CFAP54: variants seen among roughly 807,000 people sequenced by gnomAD.
CFAP54 encodes the protein cilia and flagella associated protein 54.
A neutral mutation model predicts 370.4 loss-of-function variants in CFAP54; 290 were observed. That is an observed-to-expected ratio of 0.78 (90% CI 0.71 to 0.86). CFAP54 has a LOEUF of 0.86. CFAP54 is among the 40% of genes least tolerant of loss of function. The pLI, the probability that CFAP54 is intolerant of heterozygous loss-of-function variation, is 0.00. For missense variants in CFAP54, 3,399 were observed against 3,528.7 expected, an observed-to-expected ratio of 0.96 and a Z score of 0.93; for synonymous variants, 1,206 against 1,236.5, an observed-to-expected ratio of 0.98 and a Z score of 0.52.
At chr12:96,667,561 C>G (rs920890626) in intron 39 of CFAP54, among the ~76,000 whole-genome samples, 1 of 152,204 alleles carries the variant, frequency 6.6e-6, no homozygotes, top group African/African-American at 2.4e-5. Context: ...CCCCTTCTAG[C>G]TATGGCTGGA....
chr12:96,753,655 T>C, intron 55 of CFAP54, 88 bp from the exon 56 acceptor site: 1 of 1,267,632 alleles, frequency 7.9e-7, no homozygotes, highest in South Asian at 1.5e-5. Flanking sequence ...TAGATTTCAT[T>C]ACTGTGAGAG....
chr12:96,710,633 A>T (rs1957600824), intron 48 of CFAP54, among the ~76,000 whole-genome samples: 1 of 151,940 alleles, frequency 6.6e-6, no homozygotes, highest in South Asian at 2.1e-4. Flanking sequence ...AAGGCCCCAA[A>T]TGTTATCATT....
intron 39 of CFAP54, among the ~76,000 whole-genome samples, chr12:96,678,529 G>T (rs569282181): frequency 6.6e-6 from 1 of 152,284 alleles, no homozygotes; most frequent in Admixed American, 6.5e-5. Flanking sequence ...TGGGATTACA[G>T]GTGTGAGCTG....
At chr12:96,769,827 AC>A (rs1958440820) in intron 60 of CFAP54, among the ~76,000 whole-genome samples, 1 of 152,180 alleles carries the variant, frequency 6.6e-6, no homozygotes, top group Admixed American at 6.5e-5. Context: ...CACATCCATT[AC>A]CTTACAGTGA....
intron 40 of CFAP54, chr12:96,682,337 G>A: frequency 1.0e-6 from 1 of 984,054 alleles, no homozygotes; most frequent in Non-Finnish European, 1.2e-6. Context: ...CAAACTATTG[G>A]TAAGAGTTAG....
intron 66 of CFAP54, among the ~76,000 whole-genome samples, chr12:96,840,339 T>G (rs564162526): frequency 1.1e-4 from 17 of 152,336 alleles, no homozygotes; most frequent in South Asian, 6.2e-4. Flanking sequence ...CCTATTGATG[T>G]GGAAGAGCTT....
intron 26 of CFAP54, among the ~76,000 whole-genome samples, chr12:96,602,860 A>G (rs887340030): frequency 3.9e-5 from 6 of 152,074 alleles, no homozygotes; most frequent in Non-Finnish European, 8.8e-5. Flanking sequence ...CTTTGCATGT[A>G]AGATGGGTCT....
intron 67 of CFAP54, among the ~76,000 whole-genome samples, chr12:96,872,669 T>C (rs1227983478): frequency 6.6e-6 from 1 of 152,240 alleles, no homozygotes; most frequent in Non-Finnish European, 1.5e-5. Context: ...GTAATTCCCT[T>C]TAAGGACAGA....
At chr12:96,836,842 GTT>G (rs1224630206) in intron 66 of CFAP54, among the ~76,000 whole-genome samples, 1 of 151,772 alleles carries the variant, frequency 6.6e-6, no homozygotes, top group East Asian at 1.9e-4. Context: ...TTTTTGTTTT[GTT>G]TTTTACAGAC....
chr12:96,515,359 G>A (rs866370378), intron 5 of CFAP54, among the ~76,000 whole-genome samples: 1 of 152,020 alleles, frequency 6.6e-6, no homozygotes, highest in East Asian at 1.9e-4. Flanking sequence ...GGGGATGGGA[G>A]GTGAGGGATG....
chr12:96,659,509 C>A (rs1039268765), intron 38 of CFAP54, among the ~76,000 whole-genome samples: 1 of 152,044 alleles, frequency 6.6e-6, no homozygotes, highest in African/African-American at 2.4e-5. Context: ...ACTTTCAGGG[C>A]AAATAAAATG....
chr12:96,807,026 C>T (rs907618489), intron 63 of CFAP54, among the ~76,000 whole-genome samples: 4 of 152,100 alleles, frequency 2.6e-5, no homozygotes, highest in East Asian at 3.9e-4. Context: ...TGGTCTGTGC[C>T]GTTGCTACTA....
intron 22 of CFAP54, among the ~76,000 whole-genome samples, chr12:96,586,002 TAC>T (rs1487517377): frequency 1.3e-5 from 2 of 152,154 alleles, no homozygotes; most frequent in Non-Finnish European, 2.9e-5. Flanking sequence ...TATAGTCTAG[TAC>T]AACTGCTGGG....
In CFAP54 at chr12:96,630,543, C is replaced by T. The variant is rs1170119039; in HGVS notation, c.4216-8C>T. The T allele has an allele frequency of 5.2e-6, 7 of 1,355,478 alleles. No individual in the cohort carries two copies. The highest frequency in any genetic ancestry group is 6.9e-6 in the Non-Finnish European group (7 of 1,016,812). 84.0% of individuals were successfully genotyped at this position (1,355,478 alleles called of 1,614,324 possible). A position where few individuals can be genotyped will look rare whatever the true frequency, so the allele number is the denominator to read the frequency against. On this transcript the variant is annotated splice_polypyrimidine_tract_variant and splice_region_variant and intron_variant, in intron 31 of 67. Transcript: ENST00000524981. Reference sequence around the variant, plus strand: ...TTTAACTTGTAACATTTTATCTCCTCTATTAAGAGTGCAGAAATGCAACAA... The same window carrying T: ...TTTAACTTGTAACATTTTATCTCCTTTATTAAGAGTGCAGAAATGCAACAA...
chr12:96,833,936 G>A (rs1341661105), intron 66 of CFAP54, among the ~76,000 whole-genome samples: 4 of 152,044 alleles, frequency 2.6e-5, no homozygotes, highest in Non-Finnish European at 4.4e-5. Context: ...TATTATCCTT[G>A]TTTTAGAGAT....
rs747881575 is a variant in CFAP54 at position 96,691,185 on chromosome 12, G to A, written c.6139G>A (p.Glu2047Lys). 5 of 1,613,558 alleles carry A rather than the reference G, an allele frequency of 3.1e-6. No individual in the cohort carries two copies. The highest frequency in any genetic ancestry group is 4.2e-6 in the Non-Finnish European group (5 of 1,179,744). Reference sequence around the variant, plus strand: ...AGCTGAACGTTGCTATGCTCAATATGAAATCACTCAGCTTCTCCCAGGCAT... The same window carrying A: ...AGCTGAACGTTGCTATGCTCAATATAAAATCACTCAGCTTCTCCCAGGCAT... The part of the protein sequence containing the change: ...PKAERCYAQY[E>K]ITQLLPGIEL... The change falls in exon 44 of 68, where the codon GAA becomes AAA. Residue 2047 changes from glutamate (E) to lysine (K), a missense_variant. By Grantham distance (56) the Glu-to-Lys change is moderately conservative. Coordinates refer to ENST00000524981, the MANE Select transcript of CFAP54 (RefSeq NM_001306084.2).
chr12:96,600,526 A>G (rs1956227940), intron 26 of CFAP54, among the ~76,000 whole-genome samples: 1 of 152,168 alleles, frequency 6.6e-6, no homozygotes, highest in Admixed American at 6.5e-5. Flanking sequence ...CTGTGAAGAA[A>G]GTCATTGGTA....
At chr12:96,827,057 TTA>T (rs1267084528) in intron 65 of CFAP54, among the ~76,000 whole-genome samples, 1 of 138,378 alleles carries the variant, frequency 7.2e-6, no homozygotes, top group Non-Finnish European at 1.5e-5. Context: ...TTATATGTGA[TTA>T]TATATAATAT....
Position 96,681,574 on chromosome 12 carries a change from C to CT in CFAP54, c.5716+1832dup, listed in dbSNP as rs1334947155. ...TTCTGGCTGACAGTCCTCTGTAGTG[C>CT]TTTTTTTTTTGGATGGAGTCTTGCT... On this transcript the variant is annotated intron_variant, in intron 40 of 67. Coordinates refer to ENST00000524981, the MANE Select transcript of CFAP54 (RefSeq NM_001306084.2). 3.2e-3 allele frequency among the ~76,000 whole-genome samples: 475 copies of CT among 147,448 alleles called. 3 individuals are homozygous for CT. Among genetic ancestry groups the CT allele is most frequent in the African/African-American group, 9.6e-3 (386 of 40,378 alleles).
Sources: allele counts gnomAD v4.1 joint callset (sites outside exome capture counted in the v4.1 genomes callset), GRCh38; gene constraint gnomAD v4.1.1; transcripts MANE v1.5; gene names NCBI Gene and HGNC (gene_info 2026-07-23, HGNC 2026-07-21).